SETD2: variants seen among roughly 807,000 people sequenced by gnomAD.
The protein encoded by SETD2 is histone-lysine N-methyltransferase SETD2.
In SETD2, 31 loss-of-function variants were observed where a neutral mutation model predicts 242.1. The ratio of observed to expected loss-of-function variants is 0.13; its 90% CI spans 0.10 to 0.17. SETD2 has a LOEUF of 0.17. SETD2 is among the 10% of genes least tolerant of loss of function. SETD2 has a pLI of 1.00. For missense variants in SETD2, 2,481 were observed against 3,046.3 expected, an observed-to-expected ratio of 0.81 and a Z score of 4.37; for synonymous variants, 1,006 against 1,066.5, an observed-to-expected ratio of 0.94 and a Z score of 1.11.
intron 1 of SETD2, among the ~76,000 whole-genome samples, chr3:47,132,981 A>T (rs975139252): frequency 2.6e-5 from 4 of 152,196 alleles, no homozygotes; most frequent in Non-Finnish European, 4.4e-5. Context: ...ATAATATTGT[A>T]TCAGTGTTAA....
rs2107590103 is a variant in SETD2 at position 47,062,339 on chromosome 3, T to C, written c.6117A>G (p.Glu2039=). The change falls in exon 14 of 21, where the codon GAA becomes GAG. Residue 2039 remains glutamate, a synonymous_variant. Transcript: ENST00000409792. ...SQTEKENTTT[E]RGRDAVGFRD... is the part of the protein sequence containing the mutation. Reference sequence around the variant, plus strand: ...TGAAGCCAACAGCATCCCTTCCTCGTTCAGTTGCTAAGGGAAAAGGGTGGT... The same window carrying C: ...TGAAGCCAACAGCATCCCTTCCTCGCTCAGTTGCTAAGGGAAAAGGGTGGT... 1 of 1,596,850 alleles carries C rather than the reference T, an allele frequency of 6.3e-7. No individual in the cohort carries two copies. The highest frequency in any genetic ancestry group is 1.2e-5 in the South Asian group (1 of 86,390).
At chr3:47,052,005 T>G (rs958137073) in intron 15 of SETD2, among the ~76,000 whole-genome samples, 28 of 152,210 alleles carry the variant, frequency 1.8e-4, no homozygotes, top group African/African-American at 6.8e-4. Flanking sequence ...CAGTATCTAC[T>G]TATGTTAAAA....
At chr3:47,087,239 GA>G (rs1226740644) in intron 10 of SETD2, among the ~76,000 whole-genome samples, 1 of 149,520 alleles carries the variant, frequency 6.7e-6, no homozygotes, top group African/African-American at 2.4e-5. Flanking sequence ...CACATTCTTT[GA>G]ATATAGACAG....
At chr3:47,069,399 C>A (rs954088588) in intron 12 of SETD2, among the ~76,000 whole-genome samples, 2 of 152,130 alleles carry the variant, frequency 1.3e-5, no homozygotes, top group Non-Finnish European at 2.9e-5. Context: ...TGATTCTCTA[C>A]CCTGGTTGTA....
In SETD2 at chr3:47,120,855, C is replaced by T. The variant is rs1274173682; in HGVS notation, c.3781G>A (p.Asp1261Asn). The T allele has an allele frequency of 1.9e-6, 3 of 1,614,188 alleles. No homozygotes were observed. Among genetic ancestry groups the T allele is most frequent in the South Asian group, 2.2e-5 (2 of 91,084 alleles). Residue 1261 changes from aspartate to asparagine, a missense_variant, in exon 3 of 21, where the codon GAC (aspartate) becomes AAC (asparagine). By Grantham distance (23) the Asp-to-Asn change is conservative (BLOSUM62 1). This residue lies in a region of SETD2 where 1,300 missense variants were observed against 1,259.2 expected (regional missense o/e 1.03). Coordinates refer to ENST00000409792, the MANE Select transcript of SETD2 (RefSeq NM_014159.7). ...GTAGAAGGCTTTTCTTGAGAGAAGT[C>T]CCAACCTAAGTTTCTGAGCTCTTCT... ...SSEELRNLGW[D>N]FSQEKPSTTY...
At chr3:47,108,212 A>C (rs1324352369) in intron 5 of SETD2, among the ~76,000 whole-genome samples, 1 of 152,242 alleles carries the variant, frequency 6.6e-6, no homozygotes, top group Non-Finnish European at 1.5e-5. Flanking sequence ...CTTGTGAATT[A>C]AATGTGGTGA....
At chr3:47,146,255 A>C (rs1357076420) in intron 1 of SETD2, among the ~76,000 whole-genome samples, 1 of 152,164 alleles carries the variant, frequency 6.6e-6, no homozygotes, top group Non-Finnish European at 1.5e-5. Flanking sequence ...TTACTAAAAG[A>C]AATGGAGGCC....
chr3:47,060,110 C>A (rs960636660), intron 14 of SETD2, among the ~76,000 whole-genome samples: 14 of 152,252 alleles, frequency 9.2e-5, no homozygotes, highest in African/African-American at 2.6e-4. Context: ...AACAAAAAAA[C>A]CGGGCATCGT....
chr3:47,048,825 G>A (rs1049386084), intron 15 of SETD2, among the ~76,000 whole-genome samples: 6 of 151,420 alleles, frequency 4.0e-5, no homozygotes, highest in East Asian at 2.0e-4. Context: ...GTGCCACCAC[G>A]CCTGGCTAAT....
chr3:47,047,469 T>C (rs536871028), intron 15 of SETD2, among the ~76,000 whole-genome samples: 3 of 152,358 alleles, frequency 2.0e-5, no homozygotes, highest in Non-Finnish European at 2.9e-5. Context: ...ACATGTATCC[T>C]GTGCTTAAGG....
At chr3:47,037,809 G>T in intron 17 of SETD2, 32 bp from the exon 18 acceptor site, 1 of 1,496,800 alleles carries the variant, frequency 6.7e-7, no homozygotes, top group South Asian at 1.1e-5. Context: ...CATGCTGTCA[G>T]GGCTAGGAAA....
At chr3:47,063,310 T>TA (rs2040420065) in intron 13 of SETD2, among the ~76,000 whole-genome samples, 1 of 151,942 alleles carries the variant, frequency 6.6e-6, no homozygotes, top group Non-Finnish European at 1.5e-5. Context: ...AGCTACATCT[T>TA]AAAAAAACAT....
At chr3:47,087,460 T>C (rs1054629596) in intron 10 of SETD2, among the ~76,000 whole-genome samples, 2 of 152,160 alleles carry the variant, frequency 1.3e-5, no homozygotes, top group African/African-American at 2.4e-5. Flanking sequence ...CGTGCTCCTA[T>C]GAGAATCGAA....
At chr3:47,063,766 T>C (rs1449053813) in intron 13 of SETD2, among the ~76,000 whole-genome samples, 2 of 152,068 alleles carry the variant, frequency 1.3e-5, no homozygotes, top group African/African-American at 4.8e-5. Context: ...GGGCAGATTA[T>C]GAGGTTAGGA....
intron 1 of SETD2, among the ~76,000 whole-genome samples, chr3:47,135,400 G>C (rs945775632): frequency 6.6e-6 from 1 of 152,104 alleles, no homozygotes; most frequent in Non-Finnish European, 1.5e-5. Context: ...TCAGCCTCCT[G>C]AGTAGCTGGG....
intron 8 of SETD2, among the ~76,000 whole-genome samples, chr3:47,100,113 T>C (rs1182714326): frequency 2.0e-5 from 3 of 151,602 alleles, no homozygotes; most frequent in African/African-American, 7.3e-5. Flanking sequence ...TGGCTATTTT[T>C]TGTATTCTTA....
At chr3:47,044,348 A>T in intron 16 of SETD2, among the ~76,000 whole-genome samples, 1 of 40,164 alleles carries the variant, frequency 2.5e-5, no homozygotes, top group African/African-American at 1.4e-4. Context: ...TCATCTCAAA[A>T]AAAAAAAAAA....
In SETD2 at chr3:47,049,614, C is replaced by T. The variant is rs1250350433; in HGVS notation, c.6964-2993G>A. Among the ~76,000 whole-genome samples the T allele has an allele frequency of 4.0e-4, 59 of 146,258 alleles. 1 individual carries two copies. The highest frequency in any genetic ancestry group is 2.5e-3 in the Admixed American group (37 of 14,602). ...GCCTCGATCTCCTGACCTTGTGATC[C>T]GCCCGCCTCAGCCTCCCAAAGTGCT... On this transcript the variant is annotated intron_variant, in intron 15 of 20. Transcript: ENST00000409792.
At position 47,122,649 on chromosome 3, in the gene SETD2, A is replaced by G. The variant is rs1183408470; in HGVS notation, c.1987T>C (p.Leu663=). ...AATTCTATGGGACAAAAACTTCTTAATTGATCATTCTTCACTTTAGATAAA... is the reference window on the plus strand; with the variant it reads ...AATTCTATGGGACAAAAACTTCTTAGTTGATCATTCTTCACTTTAGATAAA... ...DSLSKVKNDQ[L]RSFCPIELNI... is the part of the protein sequence containing the mutation. The change falls in exon 3 of 21, where the codon TTA becomes CTA. Residue 663 remains leucine, a synonymous_variant. Transcript: ENST00000409792. The G allele has an allele frequency of 2.5e-6, 4 of 1,613,614 alleles. No individual in the cohort carries two copies. Among genetic ancestry groups the G allele is most frequent in the Non-Finnish European group, 3.4e-6 (4 of 1,179,648 alleles).
Sources: allele counts gnomAD v4.1 joint callset (sites outside exome capture counted in the v4.1 genomes callset), GRCh38; gene constraint gnomAD v4.1.1; regional missense constraint gnomAD v4.1.1; transcripts MANE v1.5; gene names NCBI Gene and HGNC (gene_info 2026-07-23, HGNC 2026-07-21).